OGFOD3: variants seen among roughly 807,000 people sequenced by gnomAD.
OGFOD3 encodes the protein 2-oxoglutarate and iron dependent oxygenase domain containing 3, also known as 2-oxoglutarate and iron-dependent oxygenase domain-containing protein 3.
In OGFOD3, 35 loss-of-function variants were observed where a neutral mutation model predicts 39.8. That is an observed-to-expected ratio of 0.88 (90% confidence interval 0.67 to 1.17). The LOEUF is 1.17. Among genes scored for constraint, OGFOD3 ranks in the 50% most tolerant of loss-of-function variants. The pLI is 0.00. For synonymous variants in OGFOD3, 200 were observed against 192.0 expected, an observed-to-expected ratio of 1.04 and a Z score of -0.34; for missense variants, 438 against 454.5, an observed-to-expected ratio of 0.96 and a Z score of 0.33.
chr17:82,417,294 C>T (rs552289459), intron 1 of OGFOD3: 2 of 152,280 alleles, frequency 1.3e-5, no homozygotes, highest in Non-Finnish European at 2.9e-5. Flanking sequence ...GTATACAACC[C>T]CCCACAACTA....
chr17:82,409,382 C>T lies in OGFOD3; in HGVS notation c.409G>A (p.Gly137Arg), dbSNP rs1189548728. The T allele has an allele frequency of 1.2e-6, 2 of 1,613,978 alleles. No individual in the cohort carries two copies. Among genetic ancestry groups the T allele is most frequent in the African/African-American group, 2.7e-5 (2 of 74,946 alleles). Residue 137 changes from glycine (G) to arginine (R), a missense_variant, in exon 4 of 9, where the codon GGA (glycine) becomes AGA (arginine). Gly to Arg is a moderately radical substitution (Grantham distance 125, BLOSUM62 -2). Transcript: ENST00000313056. ...SVAEKGLSLG[G>R]SDGGASILDL... ...ATTCAACTCACCCCTCCGTCAGATC[C>T]TCCCAGGGAGAGCCCCTTTTCAGCT... is the stretch of plus-strand genomic sequence containing the variant.
chr17:82,414,019 GC>G (rs1234180373), intron 2 of OGFOD3, among the ~76,000 whole-genome samples: 1 of 152,166 alleles, frequency 6.6e-6, no homozygotes, highest in Non-Finnish European at 1.5e-5. Context: ...GGGCACAATA[GC>G]ATCGTGCAGC....
Position 82,411,509 on chromosome 17 carries a change from C to T in OGFOD3, c.326G>A (p.Gly109Asp). 6.2e-7 allele frequency: 1 copy of T among 1,614,134 alleles called. No individual in the cohort carries two copies. The highest frequency in any genetic ancestry group is 1.1e-5 in the South Asian group (1 of 91,090). ...GATGACGACATCGGTGACACCTCTG[C>T]CGCACTTTCGGGGAGTGCAGCCTGT... Reference protein sequence around the residue: ...RFEGCTPRKCGRGVTDVVITR... With the variant: ...RFEGCTPRKCDRGVTDVVITR... Residue 109 changes from glycine to aspartate, a missense_variant, in exon 3 of 9, where the codon GGC becomes GAC. Transcript: ENST00000313056.
intron 8 of OGFOD3, among the ~76,000 whole-genome samples, chr17:82,395,645 C>A (rs2052660437): frequency 6.6e-6 from 1 of 152,110 alleles, no homozygotes; most frequent in African/African-American, 2.4e-5. Context: ...CACGGTGAAA[C>A]CCCGTCTCTA....
rs775462524 is a variant in OGFOD3, at chr17:82,415,790, C to G, written c.75-163G>C. Among the ~76,000 whole-genome samples, 1 of 152,074 alleles carries G rather than the reference C, an allele frequency of 6.6e-6. No homozygotes were observed. Among genetic ancestry groups the G allele is most frequent in the Admixed American group, 6.6e-5 (1 of 15,260 alleles). The stretch of plus-strand genomic sequence containing the variant: ...GCCAGCGCTGTCCACTCAGGAAACA[C>G]GGACTCTTCCCTCCCTTTCCCTTCA... On this transcript the variant is annotated intron_variant, in intron 1 of 8. Coordinates refer to ENST00000313056, the MANE Select transcript of OGFOD3 (RefSeq NM_024648.3). The surrounding 1 kb of genome is among the most constrained non-coding windows in gnomAD (Gnocchi z 5.3).
rs2052606599 is a variant in OGFOD3, at chr17:82,392,304, T to A, written c.*94A>T. ...ATCAGAGAATTCCTAAGGCACTCTGTGCAACAGGAGCGGGTGGACGTGGGG... is the reference window on the plus strand; with the variant it reads ...ATCAGAGAATTCCTAAGGCACTCTGAGCAACAGGAGCGGGTGGACGTGGGG... On this transcript the variant is annotated 3_prime_UTR_variant, in exon 9 of 9. Transcript: ENST00000313056. The surrounding 1 kb of genome is among the most constrained non-coding windows in gnomAD (Gnocchi z 4.2). 7 of 1,375,588 alleles carry A rather than the reference T, an allele frequency of 5.1e-6. No individual in the cohort carries two copies. Among genetic ancestry groups the A allele is most frequent in the African/African-American group, 1.4e-5 (1 of 69,480 alleles). The allele number at this position is 1,375,588 out of a possible 1,614,324, so 85.2% of individuals were successfully genotyped here.
chr17:82,389,347 A>G lies in OGFOD3; in HGVS notation c.*3051T>C, dbSNP rs938538165. The G allele has an allele frequency of 1.3e-5, 2 of 152,136 alleles. No homozygotes were observed. Among genetic ancestry groups the G allele is most frequent in the Admixed American group, 6.5e-5 (1 of 15,272 alleles). The allele number at this position is 152,136 out of a possible 1,614,324, so 9.4% of individuals were successfully genotyped here. A position where few individuals can be genotyped will look rare whatever the true frequency, so the allele number is the denominator to read the frequency against. On this transcript the variant is annotated 3_prime_UTR_variant, in exon 9 of 9. Coordinates refer to ENST00000313056, the MANE Select transcript of OGFOD3 (RefSeq NM_024648.3). This position sits in a 1 kb window ranked among gnomAD's most constrained non-coding sequence, Gnocchi z 4.6. ...TCCCTGGAACCTTCTAGCGGAACCAATCACCCCTCGTGGCTCCTGGAACAG... is the reference window on the plus strand; with the variant it reads ...TCCCTGGAACCTTCTAGCGGAACCAGTCACCCCTCGTGGCTCCTGGAACAG...
chr17:82,400,467 G>A (rs1385538774), intron 7 of OGFOD3, among the ~76,000 whole-genome samples: 2 of 152,316 alleles, frequency 1.3e-5, no homozygotes, highest in African/African-American at 4.8e-5. Flanking sequence ...CTTATGTTAT[G>A]CAATGGGAAG....
chr17:82,396,356 G>A lies in OGFOD3; in HGVS notation c.823+1840C>T, dbSNP rs144831844. ...CATAGATACACACAATTAGATGTAC[G>A]ACATCAAATCACAGGTAAACACACA... On this transcript the variant is annotated intron_variant, in intron 8 of 8. Coordinates refer to ENST00000313056, the MANE Select transcript of OGFOD3 (RefSeq NM_024648.3). Among the ~76,000 whole-genome samples the A allele has an allele frequency of 5.3e-5, 8 of 150,928 alleles. No homozygotes were observed. In the East Asian group the frequency reaches 5.8e-4, roughly 11 times the overall value.
chr17:82,413,737 G>C (rs1411491654), intron 2 of OGFOD3, among the ~76,000 whole-genome samples: 1 of 151,966 alleles, frequency 6.6e-6, no homozygotes, highest in Non-Finnish European at 1.5e-5. Flanking sequence ...CAGACATGGT[G>C]GCAGGTGCCT....
intron 1 of OGFOD3, 39 bp downstream of exon 1, chr17:82,418,373 C>G (rs779875532): frequency 2.8e-6 from 4 of 1,418,568 alleles, no homozygotes; most frequent in Non-Finnish European, 3.7e-6. Flanking sequence ...TGGCCCTGTC[C>G]GCCGCCGCAG....
intron 7 of OGFOD3, among the ~76,000 whole-genome samples, chr17:82,403,306 G>T (rs767816013): frequency 3.3e-5 from 5 of 152,152 alleles, no homozygotes; most frequent in African/African-American, 1.2e-4. Context: ...GATTGAGGGT[G>T]TGCCCTGAAA....
At chr17:82,394,314 G>T in intron 8 of OGFOD3, 2 of 1,515,550 alleles carry the variant, frequency 1.3e-6, no homozygotes, top group Non-Finnish European at 1.8e-6. Flanking sequence ...TTTAGTAAAT[G>T]ACTATTAGAT....
Position 82,405,330 on chromosome 17 carries a change from A to T in OGFOD3, c.539T>A (p.Leu180Ter). The T allele has an allele frequency of 6.2e-7, 1 of 1,613,790 alleles. No individual in the cohort carries two copies. The highest frequency in any genetic ancestry group is 8.5e-7 in the Non-Finnish European group (1 of 1,179,684). ...QNIFSEEDFR[L>*]YREVRQKVQL... is the part of the protein sequence containing the mutation. ...CCGCCTCACTCCTCCTTACCGGTATAACCGGAAGTCCTCCTCTGAGAAGAT... is the reference window on the plus strand; with the variant it reads ...CCGCCTCACTCCTCCTTACCGGTATTACCGGAAGTCCTCCTCTGAGAAGAT... The change falls in exon 6 of 9, where the codon TTA becomes TAA. Residue 180 changes from leucine to a stop codon, truncating the protein, a stop_gained. Coordinates refer to ENST00000313056, the MANE Select transcript of OGFOD3 (RefSeq NM_024648.3). LOFTEE classifies it high-confidence loss of function.
At position 82,392,099 on chromosome 17, in the gene OGFOD3, G is replaced by C. The variant is rs573930030; in HGVS notation, c.*299C>G. 2.5e-6 allele frequency: 1 copy of C among 406,752 alleles called. No homozygotes were observed. 25.2% of individuals were successfully genotyped at this position (406,752 alleles called of 1,614,324 possible). A position where few individuals can be genotyped will look rare whatever the true frequency, so the allele number is the denominator to read the frequency against. ...AGTCCCGGGGGGTTGCTGAACCTGG[G>C]TGGATGAGTCCCGTCCATTCACAGA... On this transcript the variant is annotated 3_prime_UTR_variant, in exon 9 of 9. Coordinates refer to ENST00000313056, the MANE Select transcript of OGFOD3 (RefSeq NM_024648.3). This position sits in a 1 kb window ranked among gnomAD's most constrained non-coding sequence, Gnocchi z 4.2.
intron 7 of OGFOD3, among the ~76,000 whole-genome samples, chr17:82,400,059 G>A (rs1047473046): frequency 1.3e-5 from 2 of 152,178 alleles, no homozygotes; most frequent in Admixed American, 6.5e-5. Context: ...CCTGGGCAAG[G>A]TGGCCTCCTC....
At chr17:82,400,641 T>C (rs1307003677) in intron 7 of OGFOD3, 1 of 152,192 alleles carries the variant, frequency 6.6e-6, no homozygotes, top group Non-Finnish European at 1.5e-5. Flanking sequence ...TTCGCCTTTA[T>C]TTATATACAT....
At chr17:82,394,403 T>A in intron 8 of OGFOD3, 1 of 1,608,662 alleles carries the variant, frequency 6.2e-7, no homozygotes. Context: ...GCTTCCAGAA[T>A]CGCATGTGTC....
intron 3 of OGFOD3, 130 bp from the exon 4 acceptor site, chr17:82,409,540 A>G: frequency 1.2e-6 from 1 of 824,922 alleles, no homozygotes; most frequent in Non-Finnish European, 2.0e-6. Flanking sequence ...TGATGTAAAC[A>G]AATGTTTAGA....
Sources: gnomAD v4.1 joint callset for allele counts (sites outside exome capture counted in the v4.1 genomes callset) on GRCh38, gnomAD v4.1.1 for gene constraint, Gnocchi (gnomAD v3.1) non-coding constraint, MANE v1.5 for transcripts, NCBI Gene and HGNC (gene_info 2026-07-23, HGNC 2026-07-21) for gene names.